The following EXOC6B variants were observed in gnomAD, a reference collection of about 807,000 sequenced individuals.
EXOC6B encodes SEC15 homolog B.
Under a neutral mutation model 113.5 loss-of-function variants are expected in EXOC6B, and 54 were observed. The ratio of observed to expected loss-of-function variants is 0.48; its 90% confidence interval spans 0.38 to 0.60. EXOC6B has a LOEUF of 0.60. Ranked by LOEUF, EXOC6B falls within the 20% of genes least tolerant of loss-of-function variation. The pLI is 0.00. For missense variants in EXOC6B, 797 were observed against 977.5 expected, an observed-to-expected ratio of 0.82 and a Z score of 2.46; for synonymous variants, 357 against 339.0, an observed-to-expected ratio of 1.05 and a Z score of -0.58.
At chr2:72,640,407 G>A (rs1265427769) in intron 6 of EXOC6B, among the ~76,000 whole-genome samples, 1 of 152,198 alleles carries the variant, frequency 6.6e-6, no homozygotes, top group African/African-American at 2.4e-5. Flanking sequence ...TCCTGAAAGA[G>A]ATAGGGAGAA....
chr2:72,825,561 G>A lies in EXOC6B; in HGVS notation c.113+237C>T, dbSNP rs1573859847. The stretch of plus-strand genomic sequence containing the variant: ...GACCAGCCTCGGAGGGAGAACGAAG[G>A]CTGCTCCTGCCCCGAGGGAGGCAGC... On this transcript the variant is annotated intron_variant, in intron 1 of 21. Coordinates refer to ENST00000272427, the MANE Select transcript of EXOC6B (RefSeq NM_015189.3). The surrounding 1 kb of genome is among the most constrained non-coding windows in gnomAD (Gnocchi z 4.4). Among the ~76,000 whole-genome samples the A allele has an allele frequency of 6.6e-6, 1 of 152,198 alleles. No homozygotes were observed. The highest frequency in any genetic ancestry group is 1.9e-4 in the East Asian group (1 of 5,180).
At chr2:72,734,108 C>T (rs1479198548) in intron 2 of EXOC6B, among the ~76,000 whole-genome samples, 1 of 152,122 alleles carries the variant, frequency 6.6e-6, no homozygotes. Context: ...ATTTATCTAA[C>T]GTAATACCCT....
intron 6 of EXOC6B, among the ~76,000 whole-genome samples, chr2:72,712,470 T>C (rs1042932734): frequency 2.0e-5 from 3 of 152,148 alleles, no homozygotes; most frequent in Non-Finnish European, 4.4e-5. Flanking sequence ...AGTCCTCTTT[T>C]AAGCTATTAA....
intron 6 of EXOC6B, among the ~76,000 whole-genome samples, chr2:72,676,729 G>A (rs904140181): frequency 1.3e-5 from 2 of 152,028 alleles, no homozygotes; most frequent in African/African-American, 4.8e-5. Context: ...AAGTGGAGGG[G>A]GAACCACCGA....
Position 72,759,073 on chromosome 2 carries a change from G to A in EXOC6B, c.114-17604C>T, listed in dbSNP as rs567435198. On this transcript the variant is annotated intron_variant, in intron 1 of 21. Transcript: ENST00000272427. ...CACAGGCTTCATAGCCAGACTTTCA[G>A]GATTTGAGCCTTAGTTCTACCACTT... Among the ~76,000 whole-genome samples the A allele has an allele frequency of 2.0e-5, 3 of 152,306 alleles. No homozygotes were observed. The East Asian group carries it at 5.8e-4, about 29-fold the overall frequency.
chr2:72,402,609 G>A (rs1018033293), intron 18 of EXOC6B, among the ~76,000 whole-genome samples: 2 of 152,074 alleles, frequency 1.3e-5, no homozygotes, highest in African/African-American at 4.8e-5. Context: ...GAAACATTTT[G>A]CCAGACATAG....
At chr2:72,308,579 T>C (rs1229506208) in intron 20 of EXOC6B, among the ~76,000 whole-genome samples, 1 of 152,212 alleles carries the variant, frequency 6.6e-6, no homozygotes, top group Non-Finnish European at 1.5e-5. Context: ...TGAGTTAGTA[T>C]ACATAAAGTG....
At chr2:72,588,057 CTG>C (rs1312324981) in intron 6 of EXOC6B, among the ~76,000 whole-genome samples, 4 of 152,122 alleles carry the variant, frequency 2.6e-5, no homozygotes, top group South Asian at 2.1e-4. Flanking sequence ...TGGGGATAAA[CTG>C]GAAACCTTGT....
At chr2:72,362,334 T>C (rs1281779541) in intron 19 of EXOC6B, among the ~76,000 whole-genome samples, 2 of 152,144 alleles carry the variant, frequency 1.3e-5, no homozygotes, top group South Asian at 4.1e-4. Flanking sequence ...ATATTTTTAA[T>C]GTACCAATCT....
chr2:72,428,265 G>T (rs1365702946), intron 18 of EXOC6B, among the ~76,000 whole-genome samples: 1 of 152,212 alleles, frequency 6.6e-6, no homozygotes, highest in South Asian at 2.1e-4. Context: ...TCCAGGCAAA[G>T]ATAAGGAGAC....
rs183366206 is a variant in EXOC6B at position 72,617,636 on chromosome 2, C to T, written c.670-41968G>A. ...TGCCCAGGTTCAAGCAATTCTCCTG[C>T]CTCCACCTCCAGATTACAGGTGCCC... On this transcript the variant is annotated intron_variant, in intron 6 of 21. Coordinates refer to ENST00000272427, the MANE Select transcript of EXOC6B (RefSeq NM_015189.3). Among the ~76,000 whole-genome samples, 397 of 147,012 alleles carry T rather than the reference C, an allele frequency of 2.7e-3. 1 individual carries two copies. The highest frequency in any genetic ancestry group is 9.2e-3 in the African/African-American group (369 of 40,050).
intron 6 of EXOC6B, among the ~76,000 whole-genome samples, chr2:72,625,873 C>A (rs1672019998): frequency 6.6e-6 from 1 of 152,176 alleles, no homozygotes; most frequent in African/African-American, 2.4e-5. Context: ...CAATGGTTTT[C>A]AACTGAATTT....
intron 18 of EXOC6B, among the ~76,000 whole-genome samples, chr2:72,445,179 C>G (rs1696489029): frequency 6.6e-6 from 1 of 152,196 alleles, no homozygotes; most frequent in South Asian, 2.1e-4. Flanking sequence ...AAAATGCCAC[C>G]AGTCTCTTTG....
intron 18 of EXOC6B, among the ~76,000 whole-genome samples, chr2:72,453,477 G>A (rs1697028114): frequency 6.6e-6 from 1 of 151,966 alleles, no homozygotes; most frequent in Non-Finnish European, 1.5e-5. Context: ...AATATTTCCT[G>A]GTGAACTTTT....
chr2:72,248,908 C>T (rs1184009528), intron 20 of EXOC6B, among the ~76,000 whole-genome samples: 2 of 152,168 alleles, frequency 1.3e-5, no homozygotes, highest in Non-Finnish European at 2.9e-5. Flanking sequence ...TTACTGGCTT[C>T]CTGGTTGTCA....
At chr2:72,664,952 T>C (rs1311909626) in intron 6 of EXOC6B, among the ~76,000 whole-genome samples, 4 of 152,216 alleles carry the variant, frequency 2.6e-5, no homozygotes, top group Non-Finnish European at 5.9e-5. Context: ...AGTTGCAGCA[T>C]GCAGCTTGGG....
intron 6 of EXOC6B, among the ~76,000 whole-genome samples, chr2:72,680,955 G>A (rs1298361888): frequency 6.6e-6 from 1 of 152,104 alleles, no homozygotes; most frequent in East Asian, 1.9e-4. Flanking sequence ...TGGACTCCCA[G>A]CCTCCAGACT....
intron 20 of EXOC6B, among the ~76,000 whole-genome samples, chr2:72,243,424 T>G (rs1235109553): frequency 6.6e-6 from 1 of 152,106 alleles, no homozygotes; most frequent in African/African-American, 2.4e-5. Flanking sequence ...TAAAAAAGGA[T>G]GAGTTCATGT....
intron 20 of EXOC6B, among the ~76,000 whole-genome samples, chr2:72,279,293 C>T (rs1484581171): frequency 2.0e-5 from 3 of 152,156 alleles, no homozygotes; most frequent in East Asian, 1.9e-4. Context: ...AAGATCTGTT[C>T]CTGTATTCCT....
Sources: gnomAD v4.1 joint callset for allele counts (sites outside exome capture counted in the v4.1 genomes callset) on GRCh38, gnomAD v4.1.1 for gene constraint, Gnocchi (gnomAD v3.1) non-coding constraint, MANE v1.5 for transcripts, NCBI Gene and HGNC (gene_info 2026-07-23, HGNC 2026-07-21) for gene names.